Variants in ANK1 observed in about 807,000 individuals in gnomAD.
The protein encoded by ANK1 is ankyrin 1.
In ANK1, 51 loss-of-function variants were observed where a neutral mutation model predicts 210.4. The ratio of observed to expected loss-of-function variants is 0.24; its 90% CI spans 0.19 to 0.31. The LOEUF (loss-of-function observed/expected upper bound fraction) is 0.31, where lower values mean the gene tolerates loss of function less well. ANK1 is among the 10% of genes least tolerant of loss of function. The pLI is 1.00. For missense variants in ANK1, 2,051 were observed against 2,504.4 expected (o/e 0.82, Z 3.86); for synonymous variants, 967 against 1,025.9 (o/e 0.94, Z 1.10).
At chr8:41,688,459 C>A in intron 34 of ANK1, 52 bp downstream of exon 34, 2 of 1,589,250 alleles carry the variant, frequency 1.3e-6, no homozygotes, top group East Asian at 4.5e-5. Context: ...TGAGCTCACG[C>A]CCACCCTTCT....
intron 1 of ANK1, among the ~76,000 whole-genome samples, chr8:41,810,745 C>A (rs1802363644): frequency 6.6e-6 from 1 of 152,210 alleles, no homozygotes; most frequent in Admixed American, 6.5e-5. Context: ...ACAGGCACTG[C>A]CCCAAAGTAA....
rs118182019 is a variant in ANK1 at position 41,884,492 on chromosome 8, T to A, written c.126+11863A>T. 3.0e-3 allele frequency among the ~76,000 whole-genome samples: 451 copies of A among 152,280 alleles called. 16 individuals are homozygous for A. The East Asian group carries it at 0.071, about 24-fold the overall frequency. Reference sequence around the variant, plus strand: ...CTCAGGACAGGCACTTCTTCCATAGTATCTCAGACCCAGACTCAGGAAAGC... The same window carrying A: ...CTCAGGACAGGCACTTCTTCCATAGAATCTCAGACCCAGACTCAGGAAAGC... On this transcript the variant is annotated intron_variant, in intron 1 of 42. Transcript: ENST00000265709.
chr8:41,859,564 C>G (rs1812878858), intron 1 of ANK1, among the ~76,000 whole-genome samples: 1 of 152,198 alleles, frequency 6.6e-6, no homozygotes, highest in Non-Finnish European at 1.5e-5. Flanking sequence ...CCAGGCTGGT[C>G]TCGGACGTCA....
intron 9 of ANK1, among the ~76,000 whole-genome samples, chr8:41,721,105 C>T (rs1009400457): frequency 1.3e-5 from 2 of 152,166 alleles, no homozygotes; most frequent in Non-Finnish European, 2.9e-5. Context: ...CCCAGGACCT[C>T]AGAATGTGAC....
Position 41,860,125 on chromosome 8 carries a change from G to A in ANK1, c.126+36230C>T, listed in dbSNP as rs574444348. Among the ~76,000 whole-genome samples the A allele has an allele frequency of 7.9e-5, 12 of 152,318 alleles. No homozygotes were observed. The South Asian group carries it at 1.5e-3, about 18-fold the overall frequency. On this transcript the variant is annotated intron_variant, in intron 1 of 42. Coordinates refer to the ANK1 transcript ENST00000265709. ...TATGGCATAAAAGAGGAAACCACTG[G>A]GGTGGGGGCTGGAGGGGGAGCCTGT...
chr8:41,663,197 G>C (rs903303423), intron 40 of ANK1, among the ~76,000 whole-genome samples: 8 of 151,504 alleles, frequency 5.3e-5, no homozygotes, highest in African/African-American at 1.7e-4. Context: ...TATTGCCCAG[G>C]CTGGTCTAAA....
At chr8:41,766,999 G>A (rs1841960144) in intron 1 of ANK1, among the ~76,000 whole-genome samples, 1 of 152,160 alleles carries the variant, frequency 6.6e-6, no homozygotes, top group South Asian at 2.1e-4. Flanking sequence ...GCCTCGGCCA[G>A]GGCCCGGCCC....
chr8:41,889,885 G>T (rs1406179685), intron 1 of ANK1, among the ~76,000 whole-genome samples: 1 of 152,244 alleles, frequency 6.6e-6, no homozygotes, highest in Non-Finnish European at 1.5e-5. Flanking sequence ...ACGAACCCAT[G>T]CAGATTACTG....
chr8:41,729,283 C>T (rs1831505383), intron 3 of ANK1, among the ~76,000 whole-genome samples: 2 of 152,168 alleles, frequency 1.3e-5, no homozygotes, highest in African/African-American at 4.8e-5. Context: ...AGAGAATAAA[C>T]ACTGGAGGAA....
At position 41,653,290 on chromosome 8, in the gene ANK1, A is replaced by C. The variant is rs894883353; in HGVS notation, c.*2500T>G. On this transcript the variant is annotated 3_prime_UTR_variant, in exon 43 of 43. Transcript: ENST00000289734. ...GGCTGGTGAAGGGAGAATGGTCTAT[A>C]CATCAGAGTAGGGTAGGGGATTCTC... 2.0e-5 allele frequency: 3 copies of C among 152,780 alleles called. No individual in the cohort carries two copies. The highest frequency in any genetic ancestry group is 3.4e-3 in the Middle Eastern group (1 of 294). The allele number at this position is 152,780 out of a possible 1,614,324, so 9.5% of individuals were successfully genotyped here.
chr8:41,803,598 T>C (rs1412104028), intron 1 of ANK1: 1 of 151,890 alleles, frequency 6.6e-6, no homozygotes, highest in Non-Finnish European at 1.5e-5. Flanking sequence ...CCAATATATT[T>C]TTGAACGGAA....
intron 7 of ANK1, 36 bp downstream of exon 7, chr8:41,724,420 C>A: frequency 6.6e-7 from 1 of 1,521,304 alleles, no homozygotes; most frequent in South Asian, 1.2e-5. Flanking sequence ...AGCCCCAAGC[C>A]CCCGGACAGT....
rs776433310 is a variant in ANK1, at chr8:41,723,242, A to C, written c.811-19T>G. 6.2e-7 allele frequency: 1 copy of C among 1,613,564 alleles called. No individual in the cohort carries two copies. Among genetic ancestry groups the C allele is most frequent in the Non-Finnish European group, 8.5e-7 (1 of 1,179,590 alleles). ...ATTCGTCCTTTAAAAGACAGAGTCA[A>C]AAACAGAAAGCCCAAAAGGCAGCTA... On this transcript the variant is annotated intron_variant, in intron 8 of 42. Transcript: ENST00000289734.
intron 40 of ANK1, 65 bp downstream of exon 40, chr8:41,663,594 T>C (rs1809312672): frequency 2.7e-6 from 4 of 1,506,740 alleles, no homozygotes; most frequent in Admixed American, 1.7e-5. Context: ...CACTGGCTTC[T>C]ACCACCTTTT....
At chr8:41,722,446 T>G (rs548364190) in intron 9 of ANK1, among the ~76,000 whole-genome samples, 7 of 152,250 alleles carry the variant, frequency 4.6e-5, no homozygotes, top group Non-Finnish European at 8.8e-5. Context: ...GCTTTTGCCT[T>G]GCTCTGCTCT....
At chr8:41,727,210 G>A (rs895615141) in intron 5 of ANK1, 40 bp downstream of exon 5, 1 of 1,526,346 alleles carries the variant, frequency 6.6e-7, no homozygotes, top group African/African-American at 1.4e-5. Flanking sequence ...GTACACCTGG[G>A]AGACTTCTGG....
intron 39 of ANK1, chr8:41,664,740 T>C: frequency 6.8e-7 from 1 of 1,477,650 alleles, no homozygotes; most frequent in Non-Finnish European, 9.2e-7. Context: ...CACAGCAGCG[T>C]CCCCTCAGCC....
intron 1 of ANK1, among the ~76,000 whole-genome samples, chr8:41,860,621 A>G (rs1447338822): frequency 6.6e-6 from 1 of 152,196 alleles, no homozygotes; most frequent in African/African-American, 2.4e-5. Flanking sequence ...AACCTAACTC[A>G]TGGGGTGCTG....
intron 1 of ANK1, among the ~76,000 whole-genome samples, chr8:41,847,174 CAGTGG>C (rs1278271626): frequency 2.0e-5 from 3 of 152,244 alleles, no homozygotes; most frequent in African/African-American, 7.2e-5. Flanking sequence ...CCCAAAATCT[CAGTGG>C]CTTAACACTA....
Sources: gnomAD v4.1 joint callset for allele counts (sites outside exome capture counted in the v4.1 genomes callset) on GRCh38, gnomAD v4.1.1 for gene constraint, MANE v1.5 for transcripts, NCBI Gene and HGNC (gene_info 2026-07-23, HGNC 2026-07-21) for gene names.